DDR1: variants seen among roughly 807,000 people sequenced by gnomAD.
DDR1 encodes the protein epithelial discoidin domain-containing receptor 1.
Under a neutral mutation model 97.4 loss-of-function variants are expected in DDR1, and 64 were observed. The observed-to-expected ratio is 0.66, with a 90% CI of 0.54 to 0.81. The LOEUF (loss-of-function observed/expected upper bound fraction) is 0.81. DDR1 is among the 30% of genes least tolerant of loss of function. DDR1 has a pLI of 0.00. For synonymous variants in DDR1, 458 were observed against 503.7 expected, an observed-to-expected ratio of 0.91 and a Z score of 1.21; for missense variants, 990 against 1,259.6, an observed-to-expected ratio of 0.79 and a Z score of 3.24.
intron 17 of DDR1, 38 bp downstream of exon 17, chr6:30,899,075 G>A: frequency 6.2e-7 from 1 of 1,614,138 alleles, no homozygotes; most frequent in Non-Finnish European, 8.5e-7. Context: ...TCCGAGGCGG[G>A]GGACAGAAGG....
intron 11 of DDR1, 149 bp from the exon 12 acceptor site, chr6:30,895,255 C>T (rs191450693): frequency 8.2e-6 from 5 of 611,150 alleles, no homozygotes; most frequent in African/African-American, 1.9e-5. Context: ...GCCAGCCGTC[C>T]GTCACTCTGC....
In DDR1 at chr6:30,891,512, G is replaced by C; in HGVS notation, c.665+33G>C. ...AGGCCCCTGCAGGATATGGAGTTTGGGGTGGGAGGGAGGACTGTGTGTGTG... is the reference window on the plus strand; with the variant it reads ...AGGCCCCTGCAGGATATGGAGTTTGCGGTGGGAGGGAGGACTGTGTGTGTG... On this transcript the variant is annotated intron_variant, in intron 6 of 17. Transcript: ENST00000376568. This position sits in a 1 kb window ranked among gnomAD's most constrained non-coding sequence, Gnocchi z 5.3. 7.1e-7 allele frequency: 1 copy of C among 1,415,456 alleles called. No individual in the cohort carries two copies. Among genetic ancestry groups the C allele is most frequent in the Non-Finnish European group, 9.8e-7 (1 of 1,023,460 alleles). The allele number at this position is 1,415,456 out of a possible 1,614,324, so 87.7% of individuals were successfully genotyped here.
At position 30,896,840 on chromosome 6, in the gene DDR1, A is replaced by G; in HGVS notation, c.1844A>G (p.Lys615Arg). 1 of 1,586,176 alleles carries G rather than the reference A, an allele frequency of 6.3e-7. No individual in the cohort carries two copies. The highest frequency in any genetic ancestry group is 8.6e-7 in the Non-Finnish European group (1 of 1,164,056). ...CGATCTCGACTCCGCTTCAAGGAGA[A>G]GCTTGGCGAGGGCCAGTTTGGGGAG... ...FPRSRLRFKEKLGEGQFGEVH... is the reference protein window; with the variant it reads ...FPRSRLRFKERLGEGQFGEVH... Residue 615 changes from lysine (K) to arginine (R), a missense_variant, in exon 13 of 18, where the codon AAG becomes AGG. By Grantham distance (26) the Lys-to-Arg change is conservative. Coordinates refer to ENST00000376568, the MANE Select transcript of DDR1 (RefSeq NM_001297654.2).
Position 30,888,481 on chromosome 6 carries a change from A to T in DDR1, c.-42-207A>T. 1 of 598,616 alleles carries T rather than the reference A, an allele frequency of 1.7e-6. No individual in the cohort carries two copies. The highest frequency in any genetic ancestry group is 2.8e-5 in the East Asian group (1 of 35,790). 37.1% of individuals were successfully genotyped at this position (598,616 alleles called of 1,614,324 possible). ...GTATCTACCTTATGAAGTGACTGTG[A>T]AGATAAAATTATGGATTCTGTTTAA... On this transcript the variant is annotated intron_variant, in intron 1 of 17. Coordinates refer to ENST00000376568, the MANE Select transcript of DDR1 (RefSeq NM_001297654.2). This position sits in a 1 kb window ranked among gnomAD's most constrained non-coding sequence, Gnocchi z 4.2.
chr6:30,888,908 C>T lies in DDR1; in HGVS notation c.86C>T (p.Ala29Val), dbSNP rs949384536. 5 of 1,612,912 alleles carry T rather than the reference C, an allele frequency of 3.1e-6. No individual in the cohort carries two copies. The Admixed American group carries it at 6.7e-5, about 22-fold the overall frequency. ...DADMKGHFDP[A>V]KCRYALGMQD... ...TGTTACATGCCTGCTTTTTACTCAGCCAAGTGCCGCTATGCCCTGGGCATG... is the reference window on the plus strand; with the variant it reads ...TGTTACATGCCTGCTTTTTACTCAGTCAAGTGCCGCTATGCCCTGGGCATG... The change falls in exon 3 of 18, where the codon GCC (alanine) becomes GTC (valine). Residue 29 changes from alanine to valine, a missense_variant and splice_region_variant. Ala to Val is a moderately conservative substitution (Grantham distance 64). Transcript: ENST00000376568. The surrounding 1 kb of genome is among the most constrained non-coding windows in gnomAD (Gnocchi z 4.2).
At position 30,895,309 on chromosome 6, in the gene DDR1, A is replaced by G. The variant is rs1217531097; in HGVS notation, c.1514-95A>G. 16 of 845,094 alleles carry G rather than the reference A, an allele frequency of 1.9e-5. No homozygotes were observed. In the East Asian group the frequency reaches 4.3e-4, roughly 23 times the overall value. The allele number at this position is 845,094 out of a possible 1,614,324, so 52.3% of individuals were successfully genotyped here. A position where few individuals can be genotyped will look rare whatever the true frequency, so the allele number is the denominator to read the frequency against. ...GTCTGTCTCTTAATGCAATCATCCC[A>G]TCAGCCCTGGTCTTGCCCTATTCAA... On this transcript the variant is annotated intron_variant, in intron 11 of 17. Transcript: ENST00000376568.
intron 1 of DDR1, chr6:30,885,650 G>T: frequency 7.4e-7 from 1 of 1,343,652 alleles, no homozygotes; most frequent in Non-Finnish European, 9.8e-7. Context: ...TATTCACTGA[G>T]CGATGGGGTT....
In DDR1 at chr6:30,899,136, T is replaced by C. The variant is rs2524233; in HGVS notation, c.2602-20T>C. The C allele has an allele frequency of 1.2e-6, 2 of 1,614,188 alleles. No homozygotes were observed. Among genetic ancestry groups the C allele is most frequent in the South Asian group, 2.2e-5 (2 of 91,086 alleles). On this transcript the variant is annotated intron_variant, in intron 17 of 17. Coordinates refer to ENST00000376568, the MANE Select transcript of DDR1 (RefSeq NM_001297654.2). ...AAGAATATTTGTTCCCTGACTCTCA[T>C]CCACACTGCCACAATGCAGGTGTAC...
chr6:30,899,634 T>C lies in DDR1; in HGVS notation c.*338T>C. 2 of 407,854 alleles carry C rather than the reference T, an allele frequency of 4.9e-6. No homozygotes were observed. Among genetic ancestry groups the C allele is most frequent in the Non-Finnish European group, 8.9e-6 (2 of 225,892 alleles). 25.3% of individuals were successfully genotyped at this position (407,854 alleles called of 1,614,324 possible). On this transcript the variant is annotated 3_prime_UTR_variant, in exon 18 of 18. Transcript: ENST00000376568. ...TAGGATAGACACTGGACATGGCCCA[T>C]TGGAGCACCTGGGCCCCACTGGACA...
Position 30,897,125 on chromosome 6 carries a change from G to T in DDR1, c.1981G>T (p.Ala661Ser). The change falls in exon 14 of 18, where the codon GCC becomes TCC. Residue 661 changes from alanine to serine, a missense_variant. Transcript: ENST00000376568. This position sits in a 1 kb window ranked among gnomAD's most constrained non-coding sequence, Gnocchi z 5.2. ...AGCTGTCAAGATCTTACGGCCAGAT[G>T]CCACCAAGAATGCCAGGTGAGGACC... ...LVAVKILRPD[A>S]TKNARNDFLK... 6.2e-7 allele frequency: 1 copy of T among 1,613,948 alleles called. No homozygotes were observed. The highest frequency in any genetic ancestry group is 8.5e-7 in the Non-Finnish European group (1 of 1,179,970).
chr6:30,893,978 G>A (rs1205630312), intron 10 of DDR1, among the ~76,000 whole-genome samples: 3 of 152,194 alleles, frequency 2.0e-5, no homozygotes, highest in African/African-American at 2.4e-5. Flanking sequence ...GACTGGACAC[G>A]GTGGCTCATG....
In DDR1 at chr6:30,892,483, A is replaced by G; in HGVS notation, c.1040A>G (p.Gln347Arg). 6.2e-7 allele frequency: 1 copy of G among 1,610,870 alleles called. No homozygotes were observed. Among genetic ancestry groups the G allele is most frequent in the African/African-American group, 1.3e-5 (1 of 75,020 alleles). ...GGCGGCCGTGTGGCTCGCTTTCTGC[A>G]GTGCCGCTTCCTCTTTGCGGGGCCC... ...PLGGRVARFL[Q>R]CRFLFAGPWL... is the part of the protein sequence containing the mutation. The change falls in exon 8 of 18, where the codon CAG becomes CGG. Residue 347 changes from glutamine (Q) to arginine (R), a missense_variant. Physicochemically the swap from Gln to Arg is conservative, Grantham distance 43 (BLOSUM62 1). Coordinates refer to ENST00000376568, the MANE Select transcript of DDR1 (RefSeq NM_001297654.2).
chr6:30,891,913 A>G lies in DDR1; in HGVS notation c.666-89A>G. On this transcript the variant is annotated intron_variant, in intron 6 of 17. Coordinates refer to ENST00000376568, the MANE Select transcript of DDR1 (RefSeq NM_001297654.2). This position sits in a 1 kb window ranked among gnomAD's most constrained non-coding sequence, Gnocchi z 5.3. The stretch of plus-strand genomic sequence containing the variant: ...GGATGGGAGCCAGGCTGGCCATGCC[A>G]CTGTGCCGGAGGGTGGCGGAGCAGA... 6.9e-7 allele frequency: 1 copy of G among 1,444,616 alleles called. No homozygotes were observed. The highest frequency in any genetic ancestry group is 2.3e-5 in the East Asian group (1 of 43,876). 89.5% of individuals were successfully genotyped at this position (1,444,616 alleles called of 1,614,324 possible).
In DDR1 at chr6:30,899,330, G is replaced by A. The variant is rs765303582; in HGVS notation, c.*34G>A. On this transcript the variant is annotated 3_prime_UTR_variant, in exon 18 of 18. Transcript: ENST00000376568. The stretch of plus-strand genomic sequence containing the variant: ...TCCAGCTGCCCCTCCCTCAGGGAGC[G>A]ATCCAGGGGAAGCCAGTGACACTAA... 7.0e-6 allele frequency: 11 copies of A among 1,579,306 alleles called. No individual in the cohort carries two copies. The highest frequency in any genetic ancestry group is 1.7e-4 in the Middle Eastern group (1 of 5,756).
At position 30,890,162 on chromosome 6, in the gene DDR1, A is replaced by G; in HGVS notation, c.417+732A>G. Among the ~76,000 whole-genome samples the G allele has an allele frequency of 6.6e-6, 1 of 152,154 alleles. No homozygotes were observed. Among genetic ancestry groups the G allele is most frequent in the East Asian group, 1.9e-4 (1 of 5,188 alleles). On this transcript the variant is annotated intron_variant, in intron 4 of 17. Coordinates refer to ENST00000376568, the MANE Select transcript of DDR1 (RefSeq NM_001297654.2). This position sits in a 1 kb window ranked among gnomAD's most constrained non-coding sequence, Gnocchi z 5.0. ...CATGTAAATCAGATACGTCACACCT[A>G]GCTGACACCCCCATGCTGGCTTTCC... is the stretch of plus-strand genomic sequence containing the variant.
Position 30,899,188 on chromosome 6 carries a change from G to T in DDR1, c.2634G>T (p.Gln878His), listed in dbSNP as rs2150482411. 1.2e-6 allele frequency: 2 copies of T among 1,614,228 alleles called. No individual in the cohort carries two copies. Among genetic ancestry groups the T allele is most frequent in the Non-Finnish European group, 1.7e-6 (2 of 1,180,044 alleles). Residue 878 changes from glutamine to histidine, a missense_variant, in exon 18 of 18, where the codon CAG becomes CAT. Gln to His is a conservative substitution (Grantham distance 24, BLOSUM62 0). Transcript: ENST00000376568. ...VYLSRPPACP[Q>H]GLYELMLRCW... ...TGTCCCGGCCGCCTGCCTGCCCGCA[G>T]GGCCTATATGAGCTGATGCTTCGGT...
Position 30,890,167 on chromosome 6 carries a change from A to G in DDR1, c.417+737A>G, listed in dbSNP as rs1341859264. Among the ~76,000 whole-genome samples, 1 of 152,084 alleles carries G rather than the reference A, an allele frequency of 6.6e-6. No individual in the cohort carries two copies. Among genetic ancestry groups the G allele is most frequent in the Non-Finnish European group, 1.5e-5 (1 of 68,020 alleles). ...AAATCAGATACGTCACACCTAGCTG[A>G]CACCCCCATGCTGGCTTTCCACTCT... On this transcript the variant is annotated intron_variant, in intron 4 of 17. Transcript: ENST00000376568. This position sits in a 1 kb window ranked among gnomAD's most constrained non-coding sequence, Gnocchi z 5.0.
intron 1 of DDR1, chr6:30,885,557 G>A (rs1785473217): frequency 7.1e-7 from 1 of 1,403,070 alleles, no homozygotes; most frequent in Non-Finnish European, 9.4e-7. Context: ...CCAAGGGCCC[G>A]GGTGTGTGTG....
In DDR1 at chr6:30,892,419, C is replaced by T. The variant is rs143061452; in HGVS notation, c.976C>T (p.Leu326=). ...EPMRHNLGGN[L]GDPRARAVSV... ...CATGCGCCACAACCTAGGGGGCAAC[C>T]TGGGGGACCCCAGAGCCCGGGCTGT... The change falls in exon 8 of 18, where the codon CTG becomes TTG. Residue 326 remains leucine (L), a synonymous_variant. Transcript: ENST00000376568. 833 of 1,605,230 alleles carry T rather than the reference C, an allele frequency of 5.2e-4. 1 individual carries two copies. In the African/African-American group the frequency reaches 7.9e-3, roughly 15 times the overall value.
Sources: gnomAD v4.1 joint callset for allele counts (sites outside exome capture counted in the v4.1 genomes callset) on GRCh38, gnomAD v4.1.1 for gene constraint, Gnocchi (gnomAD v3.1) non-coding constraint, MANE v1.5 for transcripts, NCBI Gene and HGNC (gene_info 2026-07-23, HGNC 2026-07-21) for gene names.